The following MAML3 variants were observed in gnomAD, a reference collection of about 807,000 sequenced individuals.
MAML3 encodes mastermind like transcriptional coactivator 3.
MAML3 carries 27 observed loss-of-function variants against 101.9 expected under a neutral mutation model. The observed-to-expected ratio is 0.27, with a 90% CI of 0.20 to 0.37. The LOEUF is 0.37. MAML3 is among the 10% of genes least tolerant of loss of function. The probability of loss-of-function intolerance (pLI) is 1.00; values close to 1 mark genes in which losing one functional copy is unlikely to be tolerated. For synonymous variants in MAML3, 501 were observed against 555.9 expected (o/e 0.90, Z 1.39); for missense variants, 1,316 against 1,444.9 (o/e 0.91, Z 1.45).
At chr4:139,897,467 C>A (rs575734281) in intron 1 of MAML3, among the ~76,000 whole-genome samples, 10 of 152,292 alleles carry the variant, frequency 6.6e-5, no homozygotes, top group Non-Finnish European at 1.3e-4. Context: ...CTGTGATATG[C>A]TTTCTCAGAT....
At chr4:140,064,802 C>T (rs1040926420) in intron 1 of MAML3, among the ~76,000 whole-genome samples, 2 of 152,274 alleles carry the variant, frequency 1.3e-5, no homozygotes. Context: ...CCCTACTCGC[C>T]TTACCAAAAA....
intron 2 of MAML3, among the ~76,000 whole-genome samples, chr4:139,847,302 C>CAG (rs1321207861): frequency 6.6e-6 from 1 of 152,164 alleles, no homozygotes; most frequent in East Asian, 1.9e-4. Flanking sequence ...AAGTTGGGTG[C>CAG]AGAGGGCAGC....
intron 2 of MAML3, among the ~76,000 whole-genome samples, chr4:139,767,970 G>A (rs775774165): frequency 5.9e-5 from 9 of 152,178 alleles, no homozygotes; most frequent in Non-Finnish European, 1.3e-4. Flanking sequence ...TCAAAATTCT[G>A]AACAAGTTTA....
At position 139,890,126 on chromosome 4, in the gene MAML3, C is replaced by A; in HGVS notation, c.1310G>T (p.Gly437Val). The change falls in exon 2 of 5, where the codon GGT becomes GTT. Residue 437 changes from glycine (G) to valine (V), a missense_variant. Transcript: ENST00000509479. The surrounding 1 kb of genome is among the most constrained non-coding windows in gnomAD (Gnocchi z 4.1). ...PGQAPPRPGN[G>V]YLLNPAAVTV... ...CACTGCTGCCGGATTCAGGAGATAA[C>A]CATTTCCAGGCCGAGGTGGAGCTTG... The A allele has an allele frequency of 6.2e-7, 1 of 1,613,828 alleles. No individual in the cohort carries two copies.
At chr4:140,091,366 T>G (rs1414849836) in intron 1 of MAML3, among the ~76,000 whole-genome samples, 1 of 152,056 alleles carries the variant, frequency 6.6e-6, no homozygotes, top group Admixed American at 6.6e-5. Flanking sequence ...ACCTTTTCTT[T>G]AAATCATTTT....
At chr4:140,112,595 A>C (rs1447488393) in intron 1 of MAML3, among the ~76,000 whole-genome samples, 1 of 152,254 alleles carries the variant, frequency 6.6e-6, no homozygotes, top group African/African-American at 2.4e-5. Flanking sequence ...AGGGAGGAGA[A>C]AAGTGAGAAC....
rs938429906 is a variant in MAML3 at position 140,150,143 on chromosome 4, A to G, written c.468+2717T>C. On this transcript the variant is annotated intron_variant, in intron 1 of 4. Transcript: ENST00000509479. ...AATCAACAGGCTAAATCATTGTCAT[A>G]AAATGACAGAAAATTTTATTTTCAC... Among the ~76,000 whole-genome samples the G allele has an allele frequency of 3.3e-5, 5 of 152,044 alleles. No homozygotes were observed. The South Asian group carries it at 1.0e-3, about 31-fold the overall frequency.
At chr4:140,090,280 C>G (rs1029497606) in intron 1 of MAML3, among the ~76,000 whole-genome samples, 2 of 152,188 alleles carry the variant, frequency 1.3e-5, no homozygotes, top group Admixed American at 6.5e-5. Context: ...GCGAAATGAA[C>G]TCTAGCGGAA....
intron 2 of MAML3, among the ~76,000 whole-genome samples, chr4:139,731,910 A>G (rs943862735): frequency 5.3e-5 from 8 of 152,098 alleles, no homozygotes; most frequent in Admixed American, 2.0e-4. Context: ...ATTTCTAGAC[A>G]CTTCCTTTCC....
intron 1 of MAML3, among the ~76,000 whole-genome samples, chr4:139,988,966 T>C (rs975888599): frequency 2.0e-5 from 3 of 152,128 alleles, no homozygotes; most frequent in African/African-American, 4.8e-5. Context: ...CTCAGCATCA[T>C]TGATGGAAGT....
chr4:140,046,012 T>C (rs1299272428), intron 1 of MAML3, among the ~76,000 whole-genome samples: 4 of 152,200 alleles, frequency 2.6e-5, no homozygotes, highest in Non-Finnish European at 4.4e-5. Flanking sequence ...CCAAAGTCAA[T>C]ATGAAATATA....
Position 140,079,952 on chromosome 4 carries a change from T to C in MAML3, c.468+72908A>G, listed in dbSNP as rs964180333. Among the ~76,000 whole-genome samples, 3 of 152,216 alleles carry C rather than the reference T, an allele frequency of 2.0e-5. No homozygotes were observed. The South Asian group carries it at 6.2e-4, about 31-fold the overall frequency. On this transcript the variant is annotated intron_variant, in intron 1 of 4. Transcript: ENST00000509479. The stretch of plus-strand genomic sequence containing the variant: ...ACAAACTTACTCTCTAAAATTGCAG[T>C]TGGTAAGCACTCAACATGGAGTTGA...
chr4:139,859,887 T>C (rs537477225), intron 2 of MAML3, among the ~76,000 whole-genome samples: 1 of 152,308 alleles, frequency 6.6e-6, no homozygotes, highest in South Asian at 2.1e-4. Flanking sequence ...GTAAAGATTT[T>C]TTTTAGGGAA....
At chr4:139,757,693 A>C (rs1334981883) in intron 2 of MAML3, among the ~76,000 whole-genome samples, 2 of 150,252 alleles carry the variant, frequency 1.3e-5, no homozygotes, top group African/African-American at 4.9e-5. Context: ...GGCACACTTC[A>C]TGACCCACCT....
intron 3 of MAML3, among the ~76,000 whole-genome samples, chr4:139,726,527 A>C (rs746731436): frequency 1.6e-4 from 24 of 152,154 alleles, no homozygotes; most frequent in Admixed American, 4.6e-4. Context: ...TGCTTTCCTT[A>C]GGCTGTGGGG....
intron 1 of MAML3, among the ~76,000 whole-genome samples, chr4:140,070,968 G>A (rs1727641316): frequency 6.6e-6 from 1 of 152,180 alleles, no homozygotes; most frequent in African/African-American, 2.4e-5. Context: ...TGGCGCTGGG[G>A]TCTTCGTGGG....
At chr4:139,802,591 A>G (rs763536857) in intron 2 of MAML3, among the ~76,000 whole-genome samples, 3 of 152,260 alleles carry the variant, frequency 2.0e-5, no homozygotes, top group Non-Finnish European at 1.5e-5. Context: ...AAAAAAAGAA[A>G]TCAAAATGAG....
intron 1 of MAML3, among the ~76,000 whole-genome samples, chr4:139,977,756 C>T (rs1734369307): frequency 6.6e-6 from 1 of 151,942 alleles, no homozygotes; most frequent in Non-Finnish European, 1.5e-5. Context: ...GCCTGTAATC[C>T]AAGCTACTCA....
chr4:139,790,216 C>CATATATAT (rs367675413), intron 2 of MAML3, among the ~76,000 whole-genome samples: 8,827 of 109,804 alleles, frequency 0.08, 390 homozygotes, highest in Non-Finnish European at 0.088. Context: ...ACCCTAGTGA[C>CATATATAT]ATATATATAT....
Sources: gnomAD v4.1 joint callset for allele counts (sites outside exome capture counted in the v4.1 genomes callset) on GRCh38, gnomAD v4.1.1 for gene constraint, Gnocchi (gnomAD v3.1) non-coding constraint, MANE v1.5 for transcripts, NCBI Gene and HGNC (gene_info 2026-07-23, HGNC 2026-07-21) for gene names.